ARMC6: variants seen among roughly 807,000 people sequenced by gnomAD.
ARMC6 encodes armadillo repeat containing 6, also known as armadillo repeat-containing protein 6.
ARMC6 carries 43 observed loss-of-function variants against 49.2 expected under a neutral mutation model. The observed-to-expected ratio is 0.87, with a 90% confidence interval of 0.69 to 1.13. The LOEUF (loss-of-function observed/expected upper bound fraction) is 1.13. Among genes scored for constraint, ARMC6 ranks in the 50% most tolerant of loss-of-function variants. ARMC6 has a pLI of 0.00. For missense variants in ARMC6, 627 were observed against 682.0 expected (o/e 0.92, Z 0.90); for synonymous variants, 262 against 289.6 (o/e 0.90, Z 0.97).
Position 19,055,476 on chromosome 19 carries a change from T to C in ARMC6, c.1155+80T>C. 6 of 1,510,156 alleles carry C rather than the reference T, an allele frequency of 4.0e-6. No individual in the cohort carries two copies. The South Asian group carries it at 7.9e-5, about 20-fold the overall frequency. The allele number at this position is 1,510,156 out of a possible 1,614,324, so 93.5% of individuals were successfully genotyped here. Reference sequence around the variant, plus strand: ...CAGTTTCTGTATCTGCATGAAGCTCTATTCCCCTGCAGGGCCAGGGCAGGG... The same window carrying C: ...CAGTTTCTGTATCTGCATGAAGCTCCATTCCCCTGCAGGGCCAGGGCAGGG... On this transcript the variant is annotated intron_variant, in intron 7 of 8. Coordinates refer to ENST00000535612, the MANE Select transcript of ARMC6 (RefSeq NM_001199196.2). The surrounding 1 kb of genome is among the most constrained non-coding windows in gnomAD (Gnocchi z 5.7).
At chr19:19,053,497 A>ATAG (rs1360823411) in intron 5 of ARMC6, among the ~76,000 whole-genome samples, 2 of 144,898 alleles carry the variant, frequency 1.4e-5, no homozygotes, top group Admixed American at 6.7e-5. Context: ...AAAAAAATTA[A>ATAG]TAATAATAAT....
chr19:19,044,223 C>A, intron 4 of ARMC6, 149 bp downstream of exon 4: 1 of 781,704 alleles, frequency 1.3e-6, no homozygotes. Flanking sequence ...CCAGGTCTCC[C>A]TGAGTCCATG....
At position 19,055,646 on chromosome 19, in the gene ARMC6, G is replaced by A; in HGVS notation, c.1156-145G>A. The A allele has an allele frequency of 3.2e-6, 4 of 1,265,028 alleles. No homozygotes were observed. Among genetic ancestry groups the A allele is most frequent in the African/African-American group, 1.5e-5 (1 of 66,942 alleles). 78.4% of individuals were successfully genotyped at this position (1,265,028 alleles called of 1,614,324 possible). On this transcript the variant is annotated intron_variant, in intron 7 of 8. Transcript: ENST00000535612. This position sits in a 1 kb window ranked among gnomAD's most constrained non-coding sequence, Gnocchi z 5.7. ...CCCTAAGAGCTGAGCTGATATTTTT[G>A]TCACCCTGCCATTATTACACAGGAG... is the stretch of plus-strand genomic sequence containing the variant.
intron 8 of ARMC6, among the ~76,000 whole-genome samples, chr19:19,056,279 T>G (rs955974457): frequency 5.3e-5 from 8 of 151,064 alleles, no homozygotes; most frequent in Non-Finnish European, 8.9e-5. Flanking sequence ...TTTTTTTTTT[T>G]TTGAGACAGT....
chr19:19,034,702 C>T (rs926588907), intron 2 of ARMC6, among the ~76,000 whole-genome samples: 2 of 152,168 alleles, frequency 1.3e-5, no homozygotes, highest in Admixed American at 6.5e-5. Flanking sequence ...GCTTCCCCTG[C>T]CTCAGCCTCC....
chr19:19,038,765 C>T (rs977734310), intron 2 of ARMC6, among the ~76,000 whole-genome samples: 8 of 151,976 alleles, frequency 5.3e-5, no homozygotes, highest in Admixed American at 6.6e-5. Context: ...GGGGTTTCGC[C>T]ATGTTGGTCT....
Position 19,044,060 on chromosome 19 carries a change from C to T in ARMC6, c.265C>T (p.His89Tyr). The T allele has an allele frequency of 2.5e-6, 4 of 1,614,132 alleles. No individual in the cohort carries two copies. Among genetic ancestry groups the T allele is most frequent in the South Asian group, 1.1e-5 (1 of 91,090 alleles). ...TGCAGACGGATCCCAGGAGCCCACA[C>T]ATGACATCCTGCAGGTAGGAGTGGG... Reference protein sequence around the residue: ...VSADGSQEPTHDILQMLSDLQ... With the variant: ...VSADGSQEPTYDILQMLSDLQ... Residue 89 changes from histidine to tyrosine, a missense_variant, in exon 4 of 9, where the codon CAT becomes TAT. Physicochemically the swap from His to Tyr is moderately conservative, Grantham distance 83. Transcript: ENST00000535612.
intron 2 of ARMC6, among the ~76,000 whole-genome samples, chr19:19,041,224 T>A (rs2059409409): frequency 6.6e-6 from 1 of 152,250 alleles, no homozygotes; most frequent in Non-Finnish European, 1.5e-5. Context: ...TAGGCATTTT[T>A]AGTTGCTATG....
At chr19:19,052,882 C>G (rs1385764651) in intron 5 of ARMC6, among the ~76,000 whole-genome samples, 3 of 152,218 alleles carry the variant, frequency 2.0e-5, no homozygotes, top group Non-Finnish European at 4.4e-5. Context: ...TTCCACACCT[C>G]CAGCAAGGCT....
chr19:19,049,291 C>T (rs1327230258), intron 4 of ARMC6, among the ~76,000 whole-genome samples: 1 of 151,904 alleles, frequency 6.6e-6, no homozygotes, highest in Admixed American at 6.6e-5. Flanking sequence ...GAGCTCAAAG[C>T]GATACACCTG....
chr19:19,038,400 T>C (rs1315137906), intron 2 of ARMC6, among the ~76,000 whole-genome samples: 1 of 152,158 alleles, frequency 6.6e-6, no homozygotes, highest in Admixed American at 6.5e-5. Flanking sequence ...AGCTACAGGT[T>C]TGAAACAGAA....
rs142088613 is a variant in ARMC6 at position 19,052,182 on chromosome 19, C to T, written c.840C>T (p.Ile280=). 99 of 1,600,124 alleles carry T rather than the reference C, an allele frequency of 6.2e-5. No homozygotes were observed. The highest frequency in any genetic ancestry group is 7.2e-5 in the Non-Finnish European group (84 of 1,173,048). ...VQENKGLKVL[I]EATKAFLDNP... ...AGAACAAAGGCTTGAAGGTGCTCAT[C>T]GAAGCCACCAAAGGTAAGAGCTGGG... Residue 280 remains isoleucine, a synonymous_variant, in exon 5 of 9, where the codon ATC becomes ATT. Coordinates refer to ENST00000535612, the MANE Select transcript of ARMC6 (RefSeq NM_001199196.2).
Position 19,054,294 on chromosome 19 carries a change from C to G in ARMC6, c.996C>G (p.His332Gln). 1 of 1,600,182 alleles carries G rather than the reference C, an allele frequency of 6.2e-7. No individual in the cohort carries two copies. Among genetic ancestry groups the G allele is most frequent in the Non-Finnish European group, 8.5e-7 (1 of 1,173,340 alleles). ...LVSLLADCND[H>Q]QMRDQSGVQE... Reference sequence around the variant, plus strand: ...CCCTGCTAGCCGACTGCAATGACCACCAGATGAGGGACCAGAGCGGCGTTC... The same window carrying G: ...CCCTGCTAGCCGACTGCAATGACCAGCAGATGAGGGACCAGAGCGGCGTTC... Residue 332 changes from histidine (H) to glutamine (Q), a missense_variant, in exon 6 of 9, where the codon CAC becomes CAG. Coordinates refer to ENST00000535612, the MANE Select transcript of ARMC6 (RefSeq NM_001199196.2).
chr19:19,040,457 G>A (rs1447054333), intron 2 of ARMC6, among the ~76,000 whole-genome samples: 1 of 151,932 alleles, frequency 6.6e-6, no homozygotes, highest in East Asian at 1.9e-4. Flanking sequence ...ACTAATTATT[G>A]TAGAGACAGT....
At chr19:19,043,809 C>T (rs2059427929) in intron 3 of ARMC6, among the ~76,000 whole-genome samples, 183 bp from the exon 4 acceptor site, 1 of 152,156 alleles carries the variant, frequency 6.6e-6, no homozygotes, top group Non-Finnish European at 1.5e-5. Context: ...GTGGCAGAAA[C>T]ACCCAATACC....
At chr19:19,045,077 C>CTCAG (rs201306298) in intron 4 of ARMC6, among the ~76,000 whole-genome samples, 9,816 of 152,248 alleles carry the variant, frequency 0.064, 379 homozygotes, top group Middle Eastern at 0.15. Flanking sequence ...CTGGCGTGAT[C>CTCAG]TCAGCTCACT....
At chr19:19,038,633 G>A (rs1177456612) in intron 2 of ARMC6, among the ~76,000 whole-genome samples, 4 of 152,102 alleles carry the variant, frequency 2.6e-5, no homozygotes, top group Non-Finnish European at 5.9e-5. Context: ...GCTGGAGTGC[G>A]ATGGCGTGAT....
chr19:19,054,197 TG>T lies in ARMC6; in HGVS notation c.900del (p.Ser301ProfsTer19). 1.2e-6 allele frequency: 2 copies of T among 1,610,944 alleles called. No homozygotes were observed. The highest frequency in any genetic ancestry group is 1.1e-5 in the South Asian group (1 of 90,660). ...PGILSELCGT[L>X]SRLAIRNEFC... ...ATCCTGAGCGAGCTCTGTGGAACCCTGTCCCGCCTGGCCATTCGCAACGAGT... is the reference window on the plus strand; with the variant it reads ...ATCCTGAGCGAGCTCTGTGGAACCCTTCCCGCCTGGCCATTCGCAACGAGT... On this transcript the variant is annotated frameshift_variant, in exon 6 of 9. Coordinates refer to ENST00000535612, the MANE Select transcript of ARMC6 (RefSeq NM_001199196.2). LOFTEE classifies it high-confidence loss of function.
At position 19,033,918 on chromosome 19, in the gene ARMC6, C is replaced by T; in HGVS notation, c.-92C>T. 1 of 413,198 alleles carries T rather than the reference C, an allele frequency of 2.4e-6. No individual in the cohort carries two copies. The highest frequency in any genetic ancestry group is 4.4e-6 in the Non-Finnish European group (1 of 228,936). The allele number at this position is 413,198 out of a possible 1,614,324, so 25.6% of individuals were successfully genotyped here. On this transcript the variant is annotated 5_prime_UTR_variant, in exon 1 of 9. Transcript: ENST00000535612. ...GCGCGCCCCACCTTTCCCCACGTGG[C>T]CGCGAAGACCGGGTGAGACGCTGCG...
Sources: allele counts gnomAD v4.1 joint callset (sites outside exome capture counted in the v4.1 genomes callset), GRCh38; gene constraint gnomAD v4.1.1; non-coding constraint Gnocchi (gnomAD v3.1); transcripts MANE v1.5; gene names NCBI Gene and HGNC (gene_info 2026-07-23, HGNC 2026-07-21).